CTSO: variants seen among roughly 807,000 people sequenced by gnomAD.
CTSO encodes cathepsin O.
Under a neutral mutation model 42.4 loss-of-function variants are expected in CTSO, and 40 were observed. The observed-to-expected ratio is 0.94, with a 90% CI of 0.73 to 1.23. CTSO has a LOEUF of 1.23. Among genes scored for constraint, CTSO ranks in the 50% most tolerant of loss-of-function variants. The pLI is 0.00. For synonymous variants in CTSO, 156 were observed against 146.2 expected (o/e 1.07, Z -0.48); for missense variants, 441 against 396.0 (o/e 1.11, Z -0.96).
chr4:155,942,509 A>G (rs564355212), intron 2 of CTSO, 53 bp from the exon 3 acceptor site: 5 of 785,698 alleles, frequency 6.4e-6, no homozygotes, highest in East Asian at 9.6e-5. Context: ...ACAATATATT[A>G]TATTATATAT....
In CTSO at chr4:155,929,696, T is replaced by G. The variant is rs1465552588; in HGVS notation, c.684A>C (p.Glu228Asp). 6.2e-7 allele frequency: 1 copy of G among 1,607,510 alleles called. No homozygotes were observed. Among genetic ancestry groups the G allele is most frequent in the East Asian group, 2.2e-5 (1 of 44,838 alleles). The change falls in exon 6 of 8, where the codon GAA (glutamate) becomes GAC (aspartate). Residue 228 changes from glutamate to aspartate, a missense_variant. Coordinates refer to ENST00000433477, the MANE Select transcript of CTSO (RefSeq NM_001334.3). ...TAAGAAGTGCTTTTGCCATTTCATC[T>G]TCTTGGTCACTACCAAAAGAGGAAA... ...GYSAYDFSDQ[E>D]DEMAKALLTF...
chr4:155,949,766 C>A (rs955072627), intron 1 of CTSO, among the ~76,000 whole-genome samples: 2 of 152,156 alleles, frequency 1.3e-5, no homozygotes, highest in Non-Finnish European at 2.9e-5. Flanking sequence ...TCTTGGAAGA[C>A]TTAGGAGTTG....
At chr4:155,933,319 C>T (rs1007674650) in intron 5 of CTSO, among the ~76,000 whole-genome samples, 5 of 152,074 alleles carry the variant, frequency 3.3e-5, no homozygotes, top group Non-Finnish European at 7.4e-5. Flanking sequence ...TAAGAAGTGC[C>T]TTTCTCCTCC....
chr4:155,933,876 G>A (rs142393731), intron 5 of CTSO, among the ~76,000 whole-genome samples: 30 of 152,252 alleles, frequency 2.0e-4, no homozygotes, highest in African/African-American at 6.7e-4. Context: ...ATTTTAAAAG[G>A]GAAAACAGAG....
Position 155,943,145 on chromosome 4 carries a change from TCGGAC to T in CTSO, c.244+6_244+10del. The stretch of plus-strand genomic sequence containing the variant: ...TCAGGAAACCACCTAAATAGCAACA[TCGGAC>T]TATACCTTTAAACTCTTCAGGAAAC... On this transcript the variant is annotated splice_donor_region_variant and intron_variant, in intron 2 of 7. Coordinates refer to ENST00000433477, the MANE Select transcript of CTSO (RefSeq NM_001334.3). The T allele has an allele frequency of 6.6e-7, 1 of 1,517,756 alleles. No homozygotes were observed. Among genetic ancestry groups the T allele is most frequent in the Non-Finnish European group, 9.0e-7 (1 of 1,105,354 alleles). The allele number at this position is 1,517,756 out of a possible 1,614,324, so 94.0% of individuals were successfully genotyped here.
At chr4:155,929,518 C>T (rs1743192886) in intron 6 of CTSO, 24 bp downstream of exon 6, 1 of 1,596,804 alleles carries the variant, frequency 6.3e-7, no homozygotes, top group South Asian at 1.1e-5. Context: ...GGAAAGCAGT[C>T]AACTGAGTCT....
chr4:155,924,594 A>T lies in CTSO; in HGVS notation c.*1442T>A, dbSNP rs973794203. On this transcript the variant is annotated 3_prime_UTR_variant, in exon 8 of 8. Transcript: ENST00000433477. ...TGTTAGATCATATACATTAGAAAAG[A>T]ATGATACATTTTAGAGAAGAAATAT... The T allele has an allele frequency of 3.9e-5, 6 of 152,214 alleles. No homozygotes were observed. The highest frequency in any genetic ancestry group is 7.3e-5 in the Non-Finnish European group (5 of 68,040). 9.4% of individuals were successfully genotyped at this position (152,214 alleles called of 1,614,324 possible). A position where few individuals can be genotyped will look rare whatever the true frequency, so the allele number is the denominator to read the frequency against.
intron 1 of CTSO, among the ~76,000 whole-genome samples, chr4:155,944,551 C>A (rs972336233): frequency 2.0e-5 from 3 of 152,096 alleles, no homozygotes; most frequent in Non-Finnish European, 4.4e-5. Flanking sequence ...GTCAGGAAGG[C>A]ACTGAAAATG....
At chr4:155,926,566 T>G (rs1435566555) in intron 7 of CTSO, among the ~76,000 whole-genome samples, 1 of 152,078 alleles carries the variant, frequency 6.6e-6, no homozygotes, top group African/African-American at 2.4e-5. Flanking sequence ...TGAAGACTGG[T>G]TTTTATTATA....
chr4:155,940,345 G>C (rs1259947339), intron 3 of CTSO, among the ~76,000 whole-genome samples: 1 of 151,756 alleles, frequency 6.6e-6, no homozygotes, highest in Non-Finnish European at 1.5e-5. Flanking sequence ...TAGGATTTGA[G>C]ACTGGATGAA....
intron 1 of CTSO, among the ~76,000 whole-genome samples, chr4:155,946,446 G>C (rs1010560017): frequency 6.6e-6 from 1 of 152,088 alleles, no homozygotes; most frequent in Non-Finnish European, 1.5e-5. Flanking sequence ...ACAGTTACTT[G>C]GTTTTGGTCT....
At position 155,929,539 on chromosome 4, in the gene CTSO, T is replaced by C; in HGVS notation, c.838+3A>G. ...CAGTCAACTGAGTCTTATCAGCACT[T>C]ACCTGTTTTATCAAACCCAGTTATG... On this transcript the variant is annotated splice_donor_region_variant and intron_variant, in intron 6 of 7. Transcript: ENST00000433477. The C allele has an allele frequency of 6.2e-7, 1 of 1,611,440 alleles. No homozygotes were observed. The highest frequency in any genetic ancestry group is 8.5e-7 in the Non-Finnish European group (1 of 1,178,946).
chr4:155,951,376 G>A (rs944107122), intron 1 of CTSO, among the ~76,000 whole-genome samples: 4 of 152,166 alleles, frequency 2.6e-5, no homozygotes, highest in Admixed American at 2.6e-4. Flanking sequence ...CAATAGTTAA[G>A]AGCTTCCTGA....
At chr4:155,945,397 A>C (rs1743523344) in intron 1 of CTSO, among the ~76,000 whole-genome samples, 1 of 152,250 alleles carries the variant, frequency 6.6e-6, no homozygotes, top group South Asian at 2.1e-4. Context: ...CAACTTTATG[A>C]CAATAAATTG....
At chr4:155,944,216 A>G (rs539935712) in intron 1 of CTSO, among the ~76,000 whole-genome samples, 2 of 152,330 alleles carry the variant, frequency 1.3e-5, no homozygotes, top group African/African-American at 4.8e-5. Flanking sequence ...TTTCCATATC[A>G]TGCCCTTAAT....
At position 155,939,439 on chromosome 4, in the gene CTSO, C is replaced by A. The variant is rs745330152; in HGVS notation, c.484G>T (p.Asp162Tyr). Residue 162 changes from aspartate (D) to tyrosine (Y), a missense_variant, in exon 4 of 8, where the codon GAC becomes TAC. By Grantham distance (160) the Asp-to-Tyr change is radical. Transcript: ENST00000433477. ...LEDLSVQQVI[D>Y]CSYNNYGCNG... ...CAGCCATAATTATTATACGAACAGT[C>A]AATGACCTGCTGGACACTTAGGTCT... 6.2e-7 allele frequency: 1 copy of A among 1,614,032 alleles called. No individual in the cohort carries two copies. The highest frequency in any genetic ancestry group is 8.5e-7 in the Non-Finnish European group (1 of 1,180,014).
chr4:155,941,028 T>A (rs1743421470), intron 3 of CTSO, among the ~76,000 whole-genome samples: 1 of 152,218 alleles, frequency 6.6e-6, no homozygotes, highest in Non-Finnish European at 1.5e-5. Flanking sequence ...AGGATTAGAT[T>A]TATGTCTAAT....
chr4:155,938,771 A>G (rs1743375123), intron 4 of CTSO, among the ~76,000 whole-genome samples: 1 of 149,500 alleles, frequency 6.7e-6, no homozygotes, highest in African/African-American at 2.5e-5. Context: ...CTAAAAAAAC[A>G]AAAACAAAAA....
chr4:155,938,911 T>A (rs1743378134), intron 4 of CTSO, among the ~76,000 whole-genome samples: 2 of 152,094 alleles, frequency 1.3e-5, no homozygotes, highest in East Asian at 1.9e-4. Flanking sequence ...GAGCCAAGAT[T>A]GTGCCACTGT....
Sources: allele counts gnomAD v4.1 joint callset (sites outside exome capture counted in the v4.1 genomes callset), GRCh38; gene constraint gnomAD v4.1.1; transcripts MANE v1.5; gene names NCBI Gene and HGNC (gene_info 2026-07-23, HGNC 2026-07-21).